The following SKI variants were observed in gnomAD, a reference collection of about 807,000 sequenced individuals.
SKI encodes the protein ski oncogene.
In SKI, 23 loss-of-function variants were observed where a neutral mutation model predicts 59.3. That is an observed-to-expected ratio of 0.39 (90% CI 0.28 to 0.55). The LOEUF (loss-of-function observed/expected upper bound fraction) is 0.55. Among genes scored for constraint, SKI ranks in the 20% least tolerant of loss-of-function variants. The pLI is 0.67. For synonymous variants in SKI, 673 were observed against 488.6 expected, an observed-to-expected ratio of 1.38 and a Z score of -4.98; for missense variants, 1,017 against 1,038.9, an observed-to-expected ratio of 0.98 and a Z score of 0.29.
chr1:2,304,128 T>A, intron 4 of SKI, 26 bp downstream of exon 4: 1 of 1,610,280 alleles, frequency 6.2e-7, no homozygotes, highest in Non-Finnish European at 8.5e-7. Context: ...TTTCTGTGCC[T>A]CCTCCCTGTG....
chr1:2,302,452 C>G (rs753168949), intron 1 of SKI, among the ~76,000 whole-genome samples: 13 of 152,276 alleles, frequency 8.5e-5, no homozygotes, highest in Non-Finnish European at 1.6e-4. Context: ...GACACGGTGT[C>G]CCCTCCCCGC....
intron 1 of SKI, among the ~76,000 whole-genome samples, chr1:2,275,007 G>A (rs1639709923): frequency 6.6e-6 from 1 of 152,184 alleles, no homozygotes; most frequent in South Asian, 2.1e-4. Context: ...GTGTCAGCAG[G>A]TGGAGGCTGG....
chr1:2,297,177 C>G lies in SKI; in HGVS notation c.970-5801C>G, dbSNP rs558488231. Reference sequence around the variant, plus strand: ...GCTGGAGTGTAGTGGTGGGATCATACCTCACTGCAGCCTCGACCTTTTGAG... The same window carrying G: ...GCTGGAGTGTAGTGGTGGGATCATAGCTCACTGCAGCCTCGACCTTTTGAG... On this transcript the variant is annotated intron_variant, in intron 1 of 6. Transcript: ENST00000378536. 3.3e-5 allele frequency among the ~76,000 whole-genome samples: 5 copies of G among 152,196 alleles called. No homozygotes were observed. In the East Asian group the frequency reaches 9.7e-4, roughly 30 times the overall value.
intron 1 of SKI, among the ~76,000 whole-genome samples, chr1:2,243,154 C>T (rs970127426): frequency 4.6e-5 from 7 of 152,172 alleles, no homozygotes; most frequent in African/African-American, 1.2e-4. Context: ...TTGGAGTATC[C>T]GTTGGTATTG....
At chr1:2,299,439 C>G (rs897618219) in intron 1 of SKI, among the ~76,000 whole-genome samples, 2 of 152,198 alleles carry the variant, frequency 1.3e-5, no homozygotes, top group Admixed American at 6.5e-5. Context: ...TCTGGAGTGG[C>G]TCAGGTGCCT....
At chr1:2,258,211 A>G (rs1306660310) in intron 1 of SKI, among the ~76,000 whole-genome samples, 4 of 152,136 alleles carry the variant, frequency 2.6e-5, no homozygotes, top group African/African-American at 9.7e-5. Context: ...TCTAGTGACA[A>G]TGTGTGTGCA....
At chr1:2,295,137 A>G (rs1167170489) in intron 1 of SKI, among the ~76,000 whole-genome samples, 1 of 152,210 alleles carries the variant, frequency 6.6e-6, no homozygotes, top group East Asian at 1.9e-4. Flanking sequence ...GACCCTGAAC[A>G]GCTGCTAAAG....
intron 1 of SKI, among the ~76,000 whole-genome samples, chr1:2,249,244 C>T (rs541748427): frequency 3.5e-4 from 54 of 152,172 alleles, no homozygotes; most frequent in Non-Finnish European, 7.1e-4. Flanking sequence ...GTCCACAGGG[C>T]CCCTTGCCTC....
intron 1 of SKI, among the ~76,000 whole-genome samples, chr1:2,295,676 T>G (rs1056445730): frequency 6.6e-6 from 1 of 152,140 alleles, no homozygotes; most frequent in Non-Finnish European, 1.5e-5. Flanking sequence ...TGCGTGACTG[T>G]GTCCGGGTCA....
chr1:2,253,328 A>T (rs1024920787), intron 1 of SKI, among the ~76,000 whole-genome samples: 6 of 152,132 alleles, frequency 3.9e-5, no homozygotes, highest in Non-Finnish European at 7.3e-5. Flanking sequence ...GGCCGGTATC[A>T]CGGGCTCCAG....
rs1269903335 is a variant in SKI at position 2,261,915 on chromosome 1, GGGTGGGAGT to G, written c.969+32192_969+32200del. 3.8e-4 allele frequency among the ~76,000 whole-genome samples: 56 copies of G among 146,606 alleles called. 3 individuals carry two copies. The highest frequency in any genetic ancestry group is 1.4e-3 in the African/African-American group (55 of 39,162). On this transcript the variant is annotated intron_variant, in intron 1 of 6. Transcript: ENST00000378536. ...TCTGGAAGGCGTGGAATCAGAGTTTGGGTGGGAGTGGTGGGAGTGGACGCCCTCGCTCCT... is the reference window on the plus strand; with the variant it reads ...TCTGGAAGGCGTGGAATCAGAGTTTGGGTGGGAGTGGACGCCCTCGCTCCT...
chr1:2,287,131 C>T lies in SKI; in HGVS notation c.970-15847C>T, dbSNP rs138274826. ...TGGGCGAAAATCTAGAGGGCCCCTGCGCACCCTCCCGCCCGGGGTGCCCTG... is the reference window on the plus strand; with the variant it reads ...TGGGCGAAAATCTAGAGGGCCCCTGTGCACCCTCCCGCCCGGGGTGCCCTG... On this transcript the variant is annotated intron_variant, in intron 1 of 6. Transcript: ENST00000378536. 1.4e-3 allele frequency among the ~76,000 whole-genome samples: 215 copies of T among 152,196 alleles called. 1 individual carries two copies. Among genetic ancestry groups the T allele is most frequent in the African/African-American group, 4.8e-3 (198 of 41,528 alleles).
At chr1:2,278,059 G>A (rs957764272) in intron 1 of SKI, among the ~76,000 whole-genome samples, 3 of 152,236 alleles carry the variant, frequency 2.0e-5, no homozygotes, top group African/African-American at 7.2e-5. Flanking sequence ...GGCTTGCTGG[G>A]TGCCTGCTTC....
chr1:2,300,479 C>A (rs1249218101), intron 1 of SKI, among the ~76,000 whole-genome samples: 2 of 152,196 alleles, frequency 1.3e-5, no homozygotes, highest in African/African-American at 4.8e-5. Flanking sequence ...GTGGTTTTGT[C>A]CCTGACCGAC....
At chr1:2,256,397 G>A (rs1328712980) in intron 1 of SKI, among the ~76,000 whole-genome samples, 1 of 152,234 alleles carries the variant, frequency 6.6e-6, no homozygotes, top group East Asian at 1.9e-4. Flanking sequence ...TCCCTTGCTT[G>A]GTTTTCTCAG....
At chr1:2,273,643 C>T (rs149812539) in intron 1 of SKI, among the ~76,000 whole-genome samples, 2 of 152,280 alleles carry the variant, frequency 1.3e-5, no homozygotes, top group Non-Finnish European at 2.9e-5. Context: ...AGAACATCCA[C>T]GGAGAAGTGT....
chr1:2,270,742 C>T lies in SKI; in HGVS notation c.970-32236C>T, dbSNP rs1639598771. Among the ~76,000 whole-genome samples, 1 of 152,222 alleles carries T rather than the reference C, an allele frequency of 6.6e-6. No individual in the cohort carries two copies. The highest frequency in any genetic ancestry group is 2.4e-5 in the African/African-American group (1 of 41,460). On this transcript the variant is annotated intron_variant, in intron 1 of 6. Transcript: ENST00000378536. The surrounding 1 kb of genome is among the most constrained non-coding windows in gnomAD (Gnocchi z 4.1). Reference sequence around the variant, plus strand: ...CTGGCCAGCCCCTCCCGCTTCCCTTCCTCTGGGCCCCTGGACTCTGGGGGC... The same window carrying T: ...CTGGCCAGCCCCTCCCGCTTCCCTTTCTCTGGGCCCCTGGACTCTGGGGGC...
At chr1:2,305,262 C>T (rs531233454) in intron 5 of SKI, among the ~76,000 whole-genome samples, 7 of 152,324 alleles carry the variant, frequency 4.6e-5, no homozygotes, top group Non-Finnish European at 1.0e-4. Flanking sequence ...GAGGGAAGTG[C>T]GGTTCACAGG....
At position 2,275,092 on chromosome 1, in the gene SKI, G is replaced by A. The variant is rs576021780; in HGVS notation, c.970-27886G>A. 5.9e-5 allele frequency among the ~76,000 whole-genome samples: 9 copies of A among 152,304 alleles called. No homozygotes were observed. The East Asian group carries it at 7.7e-4, about 13-fold the overall frequency. ...GGTGTTTCTCCAGCTGAACAAGCTC[G>A]CCCTGGAACCCCCACCCTGAAAGGG... On this transcript the variant is annotated intron_variant, in intron 1 of 6. Coordinates refer to ENST00000378536, the MANE Select transcript of SKI (RefSeq NM_003036.4).
Sources: allele counts gnomAD v4.1 joint callset (sites outside exome capture counted in the v4.1 genomes callset), GRCh38; gene constraint gnomAD v4.1.1; non-coding constraint Gnocchi (gnomAD v3.1); transcripts MANE v1.5; gene names NCBI Gene and HGNC (gene_info 2026-07-23, HGNC 2026-07-21).